The following UGT1A4 variants were observed in gnomAD, a reference collection of about 807,000 sequenced individuals.
UGT1A4 encodes UDP glucuronosyltransferase family 1 member A4, also known as UDP-glucuronosyltransferase 1A4.
UGT1A4 carries 32 observed loss-of-function variants against 41.1 expected under a neutral mutation model. The observed-to-expected ratio is 0.78, with a 90% confidence interval of 0.59 to 1.05. The LOEUF (loss-of-function observed/expected upper bound fraction) is 1.05, where lower values mean the gene tolerates loss of function less well. Ranked by LOEUF, UGT1A4 falls within the 50% of genes least tolerant of loss-of-function variation. UGT1A4 has a pLI of 0.00. For missense variants in UGT1A4, 748 were observed against 677.4 expected (o/e 1.10, Z -1.16); for synonymous variants, 283 against 265.1 (o/e 1.07, Z -0.66).
At chr2:233,746,789 T>C (rs1693473913) in intron 1 of UGT1A4, among the ~76,000 whole-genome samples, 1 of 151,828 alleles carries the variant, frequency 6.6e-6, no homozygotes, top group South Asian at 2.1e-4. Context: ...TCTGTTGTAA[T>C]TCATGAGCGT....
In UGT1A4 at chr2:233,760,736, C is replaced by T. The variant is rs371418452; in HGVS notation, c.868-6298C>T. ...GAAAGCAGCTTTGATGTCATGCTGA[C>T]GGACCCTTTCCTTCCTTGCAGCCCC... is the stretch of plus-strand genomic sequence containing the variant. On this transcript the variant is annotated intron_variant, in intron 1 of 4. Coordinates refer to ENST00000373409, the MANE Select transcript of UGT1A4 (RefSeq NM_007120.3). The T allele has an allele frequency of 6.2e-7, 1 of 1,614,160 alleles. No homozygotes were observed.
At chr2:233,720,871 A>AT (rs60621337) in intron 1 of UGT1A4, among the ~76,000 whole-genome samples, 4,423 of 132,758 alleles carry the variant, frequency 0.033, 90 homozygotes, top group Middle Eastern at 0.07. Context: ...GCTCCTGGCA[A>AT]TTTTTTTTTT....
chr2:233,754,995 C>G (rs769077985), intron 1 of UGT1A4: 1 of 1,295,418 alleles, frequency 7.7e-7, no homozygotes, highest in Non-Finnish European at 1.0e-6. Flanking sequence ...GTCACGGAAG[C>G]TGAAGACCTA....
At chr2:233,768,504 G>GA in intron 4 of UGT1A4, 65 bp downstream of exon 4, 1 of 1,558,444 alleles carries the variant, frequency 6.4e-7, no homozygotes. Flanking sequence ...TTTCAAATAT[G>GA]AAAACATTTA....
At chr2:233,770,517 G>A (rs1365458811) in intron 4 of UGT1A4, 2 of 152,204 alleles carry the variant, frequency 1.3e-5, no homozygotes, top group African/African-American at 4.8e-5. Flanking sequence ...AATTACCCAG[G>A]CATGGTGGTG....
In UGT1A4 at chr2:233,744,645, G is replaced by A. The variant is rs1382975794; in HGVS notation, c.868-22389G>A. 2.0e-5 allele frequency among the ~76,000 whole-genome samples: 3 copies of A among 151,982 alleles called. No homozygotes were observed. In the East Asian group the frequency reaches 5.8e-4, roughly 29 times the overall value. Reference sequence around the variant, plus strand: ...GAGGTGGATTCTCATGTCAGCTTCTGTATTCAATCTACTGTGATATTACAC... The same window carrying A: ...GAGGTGGATTCTCATGTCAGCTTCTATATTCAATCTACTGTGATATTACAC... On this transcript the variant is annotated intron_variant, in intron 1 of 4. Coordinates refer to ENST00000373409, the MANE Select transcript of UGT1A4 (RefSeq NM_007120.3).
intron 1 of UGT1A4, chr2:233,760,313 G>A (rs761736540): frequency 1.9e-6 from 3 of 1,613,818 alleles, no homozygotes; most frequent in Non-Finnish European, 2.5e-6. Flanking sequence ...CAGGGCGGAC[G>A]CCCACTTGTC....
At chr2:233,759,131 C>G (rs889675688) in intron 1 of UGT1A4, among the ~76,000 whole-genome samples, 5 of 152,174 alleles carry the variant, frequency 3.3e-5, no homozygotes, top group African/African-American at 9.6e-5. Context: ...GCCTCTGGTA[C>G]GCAATGAAGG....
chr2:233,742,094 GA>G (rs1559385588), intron 1 of UGT1A4: 1 of 151,908 alleles, frequency 6.6e-6, no homozygotes, highest in East Asian at 1.9e-4. Context: ...ACATTTCCAG[GA>G]CCCACTGCCA....
chr2:233,720,322 A>C (rs1355455978), intron 1 of UGT1A4, among the ~76,000 whole-genome samples: 3 of 152,124 alleles, frequency 2.0e-5, no homozygotes, highest in African/African-American at 7.2e-5. Context: ...ATGTGGGGAC[A>C]TCGTAGAGTT....
At chr2:233,727,226 G>A (rs1435452926) in intron 1 of UGT1A4, among the ~76,000 whole-genome samples, 6 of 152,126 alleles carry the variant, frequency 3.9e-5, no homozygotes, top group Non-Finnish European at 8.8e-5. Flanking sequence ...CCACATATGC[G>A]GATGGCTCCA....
intron 1 of UGT1A4, among the ~76,000 whole-genome samples, chr2:233,763,457 A>G (rs1297743892): frequency 6.6e-6 from 1 of 152,174 alleles, no homozygotes; most frequent in African/African-American, 2.4e-5. Context: ...GCCTATTTGA[A>G]TCTAACAATT....
intron 1 of UGT1A4, chr2:233,755,371 G>A (rs1695886794): frequency 2.8e-6 from 1 of 358,288 alleles, no homozygotes; most frequent in South Asian, 2.2e-5. Context: ...CCGCCTGGAG[G>A]GCCGCCCCTT....
chr2:233,763,406 T>A (rs1698303480), intron 1 of UGT1A4, among the ~76,000 whole-genome samples: 1 of 152,236 alleles, frequency 6.6e-6, no homozygotes, highest in African/African-American at 2.4e-5. Context: ...GGCACTGGTA[T>A]TTTTAATCCA....
chr2:233,769,513 C>T lies in UGT1A4; in HGVS notation c.1307+1074C>T, dbSNP rs1575843812. ...TATGAGAGTGTCCATTGCTTTCTCC[C>T]ATGGTTACCTCCTTTAGAAAGAAGC... On this transcript the variant is annotated intron_variant, in intron 4 of 4. Coordinates refer to ENST00000373409, the MANE Select transcript of UGT1A4 (RefSeq NM_007120.3). This position sits in a 1 kb window ranked among gnomAD's most constrained non-coding sequence, Gnocchi z 4.4. 6.2e-7 allele frequency: 1 copy of T among 1,612,680 alleles called. No homozygotes were observed. The highest frequency in any genetic ancestry group is 8.5e-7 in the Non-Finnish European group (1 of 1,179,866).
Position 233,772,565 on chromosome 2 carries a change from G to A in UGT1A4, c.*6G>A. ...ACAAATCCAAGACCCATTGAGAAGT[G>A]GGTGGGAAATAAGGTAAAATTTTGA... On this transcript the variant is annotated 3_prime_UTR_variant, in exon 5 of 5. Coordinates refer to ENST00000373409, the MANE Select transcript of UGT1A4 (RefSeq NM_007120.3). 6.2e-7 allele frequency: 1 copy of A among 1,613,202 alleles called. No homozygotes were observed.
At chr2:233,751,615 T>C (rs531404071) in intron 1 of UGT1A4, among the ~76,000 whole-genome samples, 1 of 152,176 alleles carries the variant, frequency 6.6e-6, no homozygotes, top group Non-Finnish European at 1.5e-5. Flanking sequence ...TGGGAGGTGA[T>C]TGGATCATGT....
At chr2:233,743,088 A>T (rs942184123) in intron 1 of UGT1A4, 6 of 346,134 alleles carry the variant, frequency 1.7e-5, no homozygotes, top group African/African-American at 1.3e-4. Context: ...AGTGTTTATA[A>T]ATTCTTGGGT....
chr2:233,765,357 A>T (rs1425075140), intron 1 of UGT1A4, among the ~76,000 whole-genome samples: 2 of 152,244 alleles, frequency 1.3e-5, no homozygotes, highest in Non-Finnish European at 2.9e-5. Context: ...GAACCAACCC[A>T]GATGCCCATC....
Sources: gnomAD v4.1 joint callset for allele counts (sites outside exome capture counted in the v4.1 genomes callset) on GRCh38, gnomAD v4.1.1 for gene constraint, Gnocchi (gnomAD v3.1) non-coding constraint, MANE v1.5 for transcripts, NCBI Gene and HGNC (gene_info 2026-07-23, HGNC 2026-07-21) for gene names.